The following ZMIZ1 variants were observed in gnomAD, a reference collection of about 807,000 sequenced individuals.
The protein encoded by ZMIZ1 is zinc finger MIZ-type containing 1.
A neutral mutation model predicts 113.9 loss-of-function variants in ZMIZ1; 17 were observed. The ratio of observed to expected loss-of-function variants is 0.15; its 90% CI spans 0.10 to 0.22. The LOEUF (loss-of-function observed/expected upper bound fraction) is 0.22, where lower values mean the gene tolerates loss of function less well. ZMIZ1 is among the 10% of genes least tolerant of loss of function. The pLI is 1.00. For missense variants in ZMIZ1, 1,059 were observed against 1,477.8 expected, an observed-to-expected ratio of 0.72 and a Z score of 4.65; for synonymous variants, 607 against 603.1, an observed-to-expected ratio of 1.01 and a Z score of -0.09.
At chr10:79,175,454 G>A (rs113296576) in intron 4 of ZMIZ1, among the ~76,000 whole-genome samples, 116 of 152,214 alleles carry the variant, frequency 7.6e-4, no homozygotes, top group Non-Finnish European at 1.3e-3. Context: ...GTCCTGCCCC[G>A]ATCAGCTGGG....
chr10:79,263,442 C>G (rs894415731), intron 7 of ZMIZ1, among the ~76,000 whole-genome samples: 1 of 152,156 alleles, frequency 6.6e-6, no homozygotes, highest in Non-Finnish European at 1.5e-5. Context: ...CCCAGCAAAG[C>G]GCAGCCCATC....
chr10:79,259,904 G>T (rs536044374), intron 7 of ZMIZ1, among the ~76,000 whole-genome samples: 1 of 152,156 alleles, frequency 6.6e-6, no homozygotes, highest in Non-Finnish European at 1.5e-5. Context: ...AAGCCACCGC[G>T]CCCAGCCTTT....
Position 79,310,908 on chromosome 10 carries a change from C to G in ZMIZ1, c.2836-16C>G, listed in dbSNP as rs1302886575. The G allele has an allele frequency of 4.4e-6, 7 of 1,609,164 alleles. No individual in the cohort carries two copies. The Admixed American group carries it at 5.0e-5, about 12-fold the overall frequency. ...CACCTCACCTCTCTTCTCTCCCGCT[C>G]TCTCCTCCTCCACAGATGCCACACG... On this transcript the variant is annotated splice_polypyrimidine_tract_variant and intron_variant, in intron 23 of 24. Coordinates refer to ENST00000334512, the MANE Select transcript of ZMIZ1 (RefSeq NM_020338.4).
chr10:79,210,157 A>C (rs1217829971), intron 6 of ZMIZ1, among the ~76,000 whole-genome samples: 2 of 152,272 alleles, frequency 1.3e-5, no homozygotes, highest in East Asian at 3.9e-4. Flanking sequence ...CTACCCCAGC[A>C]GAGGATGGAG....
At chr10:79,275,732 C>T (rs1852246745) in intron 7 of ZMIZ1, among the ~76,000 whole-genome samples, 1 of 152,210 alleles carries the variant, frequency 6.6e-6, no homozygotes, top group South Asian at 2.1e-4. Flanking sequence ...CAGCCTCAGG[C>T]TCTACCACCA....
chr10:79,260,002 G>T (rs1400460213), intron 7 of ZMIZ1, among the ~76,000 whole-genome samples: 1 of 152,172 alleles, frequency 6.6e-6, no homozygotes, highest in Admixed American at 6.5e-5. Context: ...GTGAGGTAAG[G>T]GTCACGTTTC....
chr10:79,126,193 C>G (rs1224606974), intron 2 of ZMIZ1, among the ~76,000 whole-genome samples: 1 of 152,194 alleles, frequency 6.6e-6, no homozygotes, highest in East Asian at 1.9e-4. Flanking sequence ...ATTTGTAGGC[C>G]CAATGGTCAG....
chr10:79,124,604 C>T (rs975306185), intron 2 of ZMIZ1, among the ~76,000 whole-genome samples: 1 of 152,216 alleles, frequency 6.6e-6, no homozygotes, highest in African/African-American at 2.4e-5. Flanking sequence ...GAGCACAGCT[C>T]CAGGTCCGGA....
At chr10:79,172,998 G>A (rs970300681) in intron 4 of ZMIZ1, among the ~76,000 whole-genome samples, 7 of 152,158 alleles carry the variant, frequency 4.6e-5, no homozygotes, top group African/African-American at 1.7e-4. Context: ...GAGTCAGATG[G>A]GGGATTCACA....
At chr10:79,170,304 C>G (rs1309308022) in intron 4 of ZMIZ1, among the ~76,000 whole-genome samples, 1 of 152,198 alleles carries the variant, frequency 6.6e-6, no homozygotes, top group Non-Finnish European at 1.5e-5. Context: ...TGGCAGGGAT[C>G]TTTCTGCCCT....
Position 79,277,338 on chromosome 10 carries a change from G to T in ZMIZ1, c.425+13G>T. 6.3e-7 allele frequency: 1 copy of T among 1,588,806 alleles called. No individual in the cohort carries two copies. The highest frequency in any genetic ancestry group is 8.6e-7 in the Non-Finnish European group (1 of 1,168,186). ...CTCTGTCGCACAGGTAAGTGGGTGG[G>T]TGCCATGGGTGCAGGTACTGAGCAG... On this transcript the variant is annotated intron_variant, in intron 8 of 24. Transcript: ENST00000334512.
At chr10:79,137,831 G>A (rs115355949) in intron 2 of ZMIZ1, among the ~76,000 whole-genome samples, 1 of 152,034 alleles carries the variant, frequency 6.6e-6, no homozygotes, top group Non-Finnish European at 1.5e-5. Context: ...TCGGCTGGGG[G>A]GGGGGTGCTC....
intron 7 of ZMIZ1, among the ~76,000 whole-genome samples, chr10:79,226,290 A>T (rs1849197286): frequency 6.6e-6 from 1 of 152,138 alleles, no homozygotes; most frequent in South Asian, 2.1e-4. Flanking sequence ...CCATCCCTGC[A>T]TCTCTGCAGG....
intron 18 of ZMIZ1, among the ~76,000 whole-genome samples, chr10:79,302,681 C>CTTTTTTTTTTTTTTT (rs758621365): frequency 4.8e-5 from 2 of 41,784 alleles, no homozygotes. Flanking sequence ...ACAGCTCATG[C>CTTTTTTTTTTTTTTT]TTTTTTTTTT....
chr10:79,145,825 G>A lies in ZMIZ1; in HGVS notation c.-131+6048G>A, dbSNP rs573305235. ...AGGCTCAACTGACCCTCCCACCTCA[G>A]CCTTCTGAATACCTGGGACTATAGA... On this transcript the variant is annotated intron_variant, in intron 3 of 24. Coordinates refer to ENST00000334512, the MANE Select transcript of ZMIZ1 (RefSeq NM_020338.4). Among the ~76,000 whole-genome samples, 11 of 152,302 alleles carry A rather than the reference G, an allele frequency of 7.2e-5. No individual in the cohort carries two copies. In the East Asian group the frequency reaches 1.9e-3, roughly 27 times the overall value.
intron 24 of ZMIZ1, 99 bp downstream of exon 24, chr10:79,311,283 G>GT: frequency 1.2e-6 from 1 of 812,128 alleles, no homozygotes; most frequent in Non-Finnish European, 1.8e-6. Flanking sequence ...GCCCCGAAGG[G>GT]AGGAGGTGGG....
At chr10:79,177,299 G>A (rs1356501614) in intron 4 of ZMIZ1, among the ~76,000 whole-genome samples, 2 of 152,066 alleles carry the variant, frequency 1.3e-5, no homozygotes, top group Admixed American at 6.6e-5. Context: ...GTAAACAGGG[G>A]ATGAAAGCTG....
intron 2 of ZMIZ1, among the ~76,000 whole-genome samples, chr10:79,130,133 C>T (rs1844691601): frequency 6.6e-6 from 1 of 152,314 alleles, no homozygotes; most frequent in African/African-American, 2.4e-5. Flanking sequence ...ATCTGTGACC[C>T]TCTCAGCATC....
At chr10:79,280,898 G>A (rs764846101) in intron 8 of ZMIZ1, among the ~76,000 whole-genome samples, 2 of 152,194 alleles carry the variant, frequency 1.3e-5, no homozygotes, top group Non-Finnish European at 2.9e-5. Flanking sequence ...TTTCACTTAA[G>A]CAGCATACCT....
Sources: gnomAD v4.1 joint callset for allele counts (sites outside exome capture counted in the v4.1 genomes callset) on GRCh38, gnomAD v4.1.1 for gene constraint, MANE v1.5 for transcripts, NCBI Gene and HGNC (gene_info 2026-07-23, HGNC 2026-07-21) for gene names.